Variants in SCHIP1 observed in about 807,000 individuals in gnomAD.
The protein encoded by SCHIP1 is schwannomin-interacting protein 1.
Under a neutral mutation model 29.7 loss-of-function variants are expected in SCHIP1, and 8 were observed. That is an observed-to-expected ratio of 0.27 (90% CI 0.16 to 0.49). The LOEUF (loss-of-function observed/expected upper bound fraction) is 0.49. Among genes scored for constraint, SCHIP1 ranks in the 20% least tolerant of loss-of-function variants. The pLI, the probability that SCHIP1 is intolerant of heterozygous loss-of-function variation, is 0.99. For synonymous variants in SCHIP1, 76 were observed against 94.9 expected (o/e 0.80, Z 1.16); for missense variants, 193 against 294.6 (o/e 0.66, Z 2.52).
At chr3:159,280,889 A>C in the SCHIP1 span, among the ~76,000 whole-genome samples, 2 of 152,208 alleles carry the variant, frequency 1.3e-5, no homozygotes, top group African/African-American at 2.4e-5. Context: ...TGCACACTCT[A>C]AATTGCTGTG....
the SCHIP1 span, among the ~76,000 whole-genome samples, chr3:159,728,081 G>A: frequency 6.6e-6 from 1 of 151,756 alleles, no homozygotes; most frequent in African/African-American, 2.4e-5. Flanking sequence ...GCTCCCCAGG[G>A]CACATTTAAA....
the SCHIP1 span, among the ~76,000 whole-genome samples, chr3:159,406,134 C>A: frequency 2.0e-5 from 3 of 151,382 alleles, no homozygotes; most frequent in Non-Finnish European, 2.9e-5. Flanking sequence ...TATAGAACAG[C>A]AAACAGATTT....
At chr3:159,613,719 A>G in the SCHIP1 span, among the ~76,000 whole-genome samples, 2 of 152,226 alleles carry the variant, frequency 1.3e-5, no homozygotes, top group Non-Finnish European at 2.9e-5. Flanking sequence ...ATCTTGGTTC[A>G]GATAGCTACT....
At chr3:159,468,777 A>ATT in the SCHIP1 span, among the ~76,000 whole-genome samples, 2,448 of 127,260 alleles carry the variant, frequency 0.019, 56 homozygotes, top group Admixed American at 0.055. Context: ...ATATATATAT[A>ATT]TTTTTTTTAG....
At chr3:159,804,417 T>A in the SCHIP1 span, among the ~76,000 whole-genome samples, 1 of 152,134 alleles carries the variant, frequency 6.6e-6, no homozygotes, top group Non-Finnish European at 1.5e-5. Flanking sequence ...AAGGACATGG[T>A]AAGGAAATGG....
chr3:159,465,154 G>A, the SCHIP1 span, among the ~76,000 whole-genome samples: 2 of 152,112 alleles, frequency 1.3e-5, no homozygotes, highest in Non-Finnish European at 2.9e-5. Context: ...CTGTCAGGGA[G>A]CTAAGTTTTC....
intron 1 of SCHIP1, among the ~76,000 whole-genome samples, chr3:159,864,877 C>T (rs1364847716): frequency 1.3e-5 from 2 of 151,984 alleles, no homozygotes; most frequent in South Asian, 2.1e-4. Context: ...GTAGTGTGCC[C>T]GAAGAGCTGA....
At chr3:159,837,829 T>G (rs1244739252), upstream of SCHIP1, among the ~76,000 whole-genome samples, 2 of 152,170 alleles carry the variant, frequency 1.3e-5, no homozygotes, top group Non-Finnish European at 2.9e-5. Flanking sequence ...GGGGGTGTAT[T>G]GTTTATTGTT....
the SCHIP1 span, among the ~76,000 whole-genome samples, chr3:159,788,138 C>A: frequency 2.0e-5 from 3 of 151,980 alleles, no homozygotes; most frequent in Non-Finnish European, 4.4e-5. Context: ...GCTGGCCCCA[C>A]AGAGGGTGTG....
At chr3:159,864,593 A>G (rs1675497) in intron 1 of SCHIP1, among the ~76,000 whole-genome samples, 115,909 of 151,808 alleles carry the variant, frequency 0.76, 45,278 homozygotes, top group East Asian at 0.99. Flanking sequence ...AGAGATAATC[A>G]CTAAGTGTGT....
chr3:159,387,698 G>A, the SCHIP1 span, among the ~76,000 whole-genome samples: 156 of 152,246 alleles, frequency 1.0e-3, 2 homozygotes, highest in South Asian at 0.024. Context: ...GTGCATAATG[G>A]TCAAACACCA....
the SCHIP1 span, among the ~76,000 whole-genome samples, chr3:159,665,955 C>T: frequency 6.6e-6 from 1 of 152,180 alleles, no homozygotes; most frequent in Non-Finnish European, 1.5e-5. Flanking sequence ...CTCCTGCCTT[C>T]CAGTCTCCAT....
chr3:159,505,239 G>A, the SCHIP1 span, among the ~76,000 whole-genome samples: 1 of 152,160 alleles, frequency 6.6e-6, no homozygotes, highest in Non-Finnish European at 1.5e-5. Flanking sequence ...ATAAGTCAAT[G>A]TACGTCAGCC....
chr3:159,543,178 G>A, the SCHIP1 span, among the ~76,000 whole-genome samples: 1 of 149,844 alleles, frequency 6.7e-6, no homozygotes, highest in African/African-American at 2.5e-5. Context: ...GAATAGAATG[G>A]CACTTTTATT....
At chr3:159,817,195 C>A in the SCHIP1 span, among the ~76,000 whole-genome samples, 1 of 151,854 alleles carries the variant, frequency 6.6e-6, no homozygotes, top group African/African-American at 2.4e-5. Flanking sequence ...AGTGACCCAT[C>A]AACATCAGAA....
Position 159,858,300 on chromosome 3 carries a change from T to A in SCHIP1, c.31-7863T>A, listed in dbSNP as rs560661326. ...CTCACAGGGGAGGACAATCATTTAG[T>A]TTTCCACTGTATCCCTTGAGGAGTT... On this transcript the variant is annotated intron_variant, in intron 1 of 6. Transcript: ENST00000445224. Among the ~76,000 whole-genome samples, 302 of 152,320 alleles carry A rather than the reference T, an allele frequency of 2.0e-3. 2 individuals are homozygous for A. The highest frequency in any genetic ancestry group is 8.9e-3 in the South Asian group (43 of 4,812).
At chr3:159,415,830 A>G in the SCHIP1 span, among the ~76,000 whole-genome samples, 1 of 152,228 alleles carries the variant, frequency 6.6e-6, no homozygotes, top group African/African-American at 2.4e-5. Context: ...TGCCTGGCAC[A>G]TAGTAAGTAC....
the SCHIP1 span, among the ~76,000 whole-genome samples, chr3:159,725,278 T>C: frequency 6.6e-6 from 1 of 151,286 alleles, no homozygotes; most frequent in Non-Finnish European, 1.5e-5. Flanking sequence ...TTTCTTTTTT[T>C]TTTTTTTTTA....
the SCHIP1 span, among the ~76,000 whole-genome samples, chr3:159,643,924 G>A: frequency 2.0e-4 from 31 of 152,222 alleles, no homozygotes; most frequent in African/African-American, 7.0e-4. Flanking sequence ...GGACAGGACA[G>A]CGAGCACCAC....
Sources: gnomAD v4.1 joint callset for allele counts (sites outside exome capture counted in the v4.1 genomes callset) on GRCh38, gnomAD v4.1.1 for gene constraint, MANE v1.5 for transcripts, NCBI Gene and HGNC (gene_info 2026-07-23, HGNC 2026-07-21) for gene names.